CDH19: variants seen among roughly 807,000 people sequenced by gnomAD.
CDH19 encodes the protein cadherin 19, also known as cadherin-19.
Under a neutral mutation model 64.2 loss-of-function variants are expected in CDH19, and 67 were observed. The observed-to-expected ratio is 1.04, with a 90% CI of 0.86 to 1.28. The LOEUF (loss-of-function observed/expected upper bound fraction) is 1.28, where lower values mean the gene tolerates loss of function less well. CDH19 is among the 50% of genes most tolerant of loss of function. The pLI is 0.00. For synonymous variants in CDH19, 346 were observed against 319.3 expected (o/e 1.08, Z -0.89); for missense variants, 1,030 against 929.0 (o/e 1.11, Z -1.41).
intron 8 of CDH19, among the ~76,000 whole-genome samples, chr18:66,533,965 C>A (rs1986556047): frequency 1.3e-5 from 2 of 151,788 alleles, no homozygotes; most frequent in South Asian, 4.1e-4. Flanking sequence ...GGCAGTTACA[C>A]ATATTTTCCC....
At chr18:66,546,606 T>C (rs1987127681) in intron 5 of CDH19, among the ~76,000 whole-genome samples, 1 of 152,072 alleles carries the variant, frequency 6.6e-6, no homozygotes, top group Admixed American at 6.5e-5. Flanking sequence ...GGTGACAATA[T>C]ACATAAAAGC....
intron 2 of CDH19, among the ~76,000 whole-genome samples, chr18:66,570,972 C>T (rs1349330814): frequency 6.6e-6 from 1 of 151,582 alleles, no homozygotes; most frequent in African/African-American, 2.4e-5. Flanking sequence ...GCTAGAGACT[C>T]AGTTACTGAG....
chr18:66,599,279 G>C (rs1172751287), intron 1 of CDH19, among the ~76,000 whole-genome samples: 1 of 151,948 alleles, frequency 6.6e-6, no homozygotes, highest in Non-Finnish European at 1.5e-5. Flanking sequence ...TGTGTATGAA[G>C]AATGACTAAG....
At position 66,572,141 on chromosome 18, in the gene CDH19, C is replaced by T. The variant is rs1243325511; in HGVS notation, c.64G>A (p.Ala22Thr). 5 of 1,611,426 alleles carry T rather than the reference C, an allele frequency of 3.1e-6. No individual in the cohort carries two copies. Among genetic ancestry groups the T allele is most frequent in the Non-Finnish European group, 4.2e-6 (5 of 1,178,404 alleles). The change falls in exon 2 of 12, where the codon GCA (alanine) becomes ACA (threonine). Residue 22 changes from alanine (A) to threonine (T), a missense_variant. Transcript: ENST00000262150. ...GIPLLWPCLG[A>T]TENSQTKKVK... ...TTCTTTGTTTGAGAGTTTTCTGTTG[C>T]TCCAAGACAAGGCCATAGGAGAGGA...
At chr18:66,550,006 G>GA (rs959129875) in intron 5 of CDH19, among the ~76,000 whole-genome samples, 1 of 150,758 alleles carries the variant, frequency 6.6e-6, no homozygotes, top group Non-Finnish European at 1.5e-5. Flanking sequence ...AAAGGATGAG[G>GA]AAAAAAAAGT....
chr18:66,519,342 G>A (rs1337931452), intron 9 of CDH19, among the ~76,000 whole-genome samples: 1 of 152,026 alleles, frequency 6.6e-6, no homozygotes. Context: ...TTTCTTATTT[G>A]TTTTTTATCT....
At position 66,505,837 on chromosome 18, in the gene CDH19, T is replaced by C. The variant is rs1985173211; in HGVS notation, c.1829-535A>G. 2.0e-5 allele frequency among the ~76,000 whole-genome samples: 3 copies of C among 151,842 alleles called. No individual in the cohort carries two copies. The South Asian group carries it at 6.2e-4, about 32-fold the overall frequency. On this transcript the variant is annotated intron_variant, in intron 11 of 11. Transcript: ENST00000262150. ...ACTATGAAGCATACATCAGGCATTC[T>C]TCTAAAAGCTTTATATTTATTGATT...
chr18:66,524,920 T>G (rs1463831988), intron 9 of CDH19, among the ~76,000 whole-genome samples: 1 of 152,096 alleles, frequency 6.6e-6, no homozygotes, highest in Non-Finnish European at 1.5e-5. Flanking sequence ...CATTCTAAGG[T>G]GGAGAGCTGT....
chr18:66,592,375 G>T (rs1420696926), intron 1 of CDH19, among the ~76,000 whole-genome samples: 1 of 151,732 alleles, frequency 6.6e-6, no homozygotes, highest in Non-Finnish European at 1.5e-5. Flanking sequence ...ATCTTTGTGT[G>T]TATGTGTTAG....
intron 1 of CDH19, among the ~76,000 whole-genome samples, chr18:66,590,987 T>A (rs1394275882): frequency 6.6e-6 from 1 of 151,892 alleles, no homozygotes; most frequent in Non-Finnish European, 1.5e-5. Context: ...TATGTATTAC[T>A]TTTTAAGTTC....
intron 7 of CDH19, among the ~76,000 whole-genome samples, chr18:66,538,854 C>T (rs1986780088): frequency 6.6e-6 from 1 of 152,054 alleles, no homozygotes; most frequent in African/African-American, 2.4e-5. Flanking sequence ...TGTCACATGG[C>T]AGTCCTCTCC....
At chr18:66,584,639 T>C (rs1988523184) in intron 1 of CDH19, among the ~76,000 whole-genome samples, 1 of 152,076 alleles carries the variant, frequency 6.6e-6, no homozygotes, top group African/African-American at 2.4e-5. Context: ...AGCAAAGACA[T>C]GGAACCAACC....
intron 1 of CDH19, among the ~76,000 whole-genome samples, chr18:66,579,134 G>A (rs1273910823): frequency 6.6e-6 from 1 of 151,842 alleles, no homozygotes. Flanking sequence ...GCAGATTATT[G>A]TGCCAATTAT....
chr18:66,576,881 C>T (rs959416881), intron 1 of CDH19, among the ~76,000 whole-genome samples: 32 of 151,528 alleles, frequency 2.1e-4, no homozygotes, highest in African/African-American at 5.6e-4. Flanking sequence ...GGAGGATACA[C>T]GGTCAATATT....
chr18:66,560,627 T>C (rs918284201), intron 3 of CDH19, among the ~76,000 whole-genome samples: 8 of 152,048 alleles, frequency 5.3e-5, no homozygotes, highest in African/African-American at 1.9e-4. Flanking sequence ...CCTGGGGAAT[T>C]TGATATTTTT....
At chr18:66,549,970 C>T (rs1987279835) in intron 5 of CDH19, among the ~76,000 whole-genome samples, 2 of 151,880 alleles carry the variant, frequency 1.3e-5, no homozygotes, top group African/African-American at 4.8e-5. Context: ...TTTCACTTGA[C>T]TTTGAGGAAT....
intron 3 of CDH19, among the ~76,000 whole-genome samples, chr18:66,560,675 AT>A (rs1987687568): frequency 6.6e-6 from 1 of 151,878 alleles, no homozygotes; most frequent in Admixed American, 6.6e-5. Flanking sequence ...TGTTAAACAT[AT>A]TTTTTATTAC....
At chr18:66,505,360 C>G in intron 11 of CDH19, 58 bp from the exon 12 acceptor site, 1 of 1,312,288 alleles carries the variant, frequency 7.6e-7, no homozygotes, top group Non-Finnish European at 1.0e-6. Flanking sequence ...ATAAACATTA[C>G]AGTCTTTGCT....
At position 66,509,117 on chromosome 18, in the gene CDH19, T is replaced by C. The variant is rs763894852; in HGVS notation, c.1706A>G (p.His569Arg). ...CCCACTGTCACCACAGTCACAGACA[T>C]GGATGGTAAGGGTGTTTGTACTTGT... ...SLTSTNTLTI[H>R]VCDCGDSGST... The change falls in exon 11 of 12, where the codon CAT becomes CGT. Residue 569 changes from histidine to arginine, a missense_variant. His to Arg is a conservative substitution (Grantham distance 29, BLOSUM62 0). Coordinates refer to ENST00000262150, the MANE Select transcript of CDH19 (RefSeq NM_021153.4). 5 of 1,612,848 alleles carry C rather than the reference T, an allele frequency of 3.1e-6. No individual in the cohort carries two copies. Among genetic ancestry groups the C allele is most frequent in the African/African-American group, 2.7e-5 (2 of 74,800 alleles).
Sources: allele counts gnomAD v4.1 joint callset (sites outside exome capture counted in the v4.1 genomes callset), GRCh38; gene constraint gnomAD v4.1.1; transcripts MANE v1.5; gene names NCBI Gene and HGNC (gene_info 2026-07-23, HGNC 2026-07-21).